Variants in SERPINF1 observed in about 807,000 individuals in gnomAD.
SERPINF1 encodes the protein serpin family F member 1, also known as pigment epithelium-derived factor.
SERPINF1 carries 29 observed loss-of-function variants against 37.3 expected under a neutral mutation model. That is an observed-to-expected ratio of 0.78 (90% CI 0.58 to 1.06). The LOEUF is 1.06. SERPINF1 is among the 50% of genes least tolerant of loss of function. The probability of loss-of-function intolerance (pLI) is 0.00; values close to 1 mark genes in which losing one functional copy is unlikely to be tolerated. For missense variants in SERPINF1, 553 were observed against 532.2 expected (o/e 1.04, Z -0.38); for synonymous variants, 281 against 227.9 (o/e 1.23, Z -2.10).
intron 5 of SERPINF1, among the ~76,000 whole-genome samples, chr17:1,773,246 A>T (rs1907850553): frequency 6.6e-6 from 1 of 151,892 alleles, no homozygotes. Context: ...GTCAGACAAG[A>T]TTTATTTATT....
In SERPINF1 at chr17:1,770,690, GC is replaced by G. The variant is rs201878614; in HGVS notation, c.284-338del. The G allele has an allele frequency of 9.4e-3, 3,203 of 341,166 alleles. 120 individuals carry two copies. Among genetic ancestry groups the G allele is most frequent in the Admixed American group, 0.081 (2,037 of 25,178 alleles). 21.1% of individuals were successfully genotyped at this position (341,166 alleles called of 1,614,324 possible). A position where few individuals can be genotyped will look rare whatever the true frequency, so the allele number is the denominator to read the frequency against. ...GCCTAGGCTGGTCTCAAACTCCCGG[GC>G]TCAAGCGATCCACCCGCCTTGGCCT... On this transcript the variant is annotated intron_variant, in intron 3 of 7. Coordinates refer to ENST00000254722, the MANE Select transcript of SERPINF1 (RefSeq NM_002615.7).
chr17:1,763,239 G>A (rs1019695836), intron 1 of SERPINF1, among the ~76,000 whole-genome samples: 1 of 152,226 alleles, frequency 6.6e-6, no homozygotes, highest in Non-Finnish European at 1.5e-5. Flanking sequence ...TGGGAAGAGG[G>A]GGAGGTGGCG....
rs749472546 is a variant in SERPINF1, at chr17:1,777,536, A to G, written c.*90A>G. The G allele has an allele frequency of 7.3e-6, 11 of 1,503,352 alleles. No homozygotes were observed. The highest frequency in any genetic ancestry group is 1.7e-5 in the Admixed American group (1 of 58,834). 93.1% of individuals were successfully genotyped at this position (1,503,352 alleles called of 1,614,324 possible). A position where few individuals can be genotyped will look rare whatever the true frequency, so the allele number is the denominator to read the frequency against. ...CGAAGGCTGCCCCTGTAAGGTTTCAATGCATACAATAAAAGAGCTTTATCC... is the reference window on the plus strand; with the variant it reads ...CGAAGGCTGCCCCTGTAAGGTTTCAGTGCATACAATAAAAGAGCTTTATCC... On this transcript the variant is annotated 3_prime_UTR_variant, in exon 8 of 8. Coordinates refer to ENST00000254722, the MANE Select transcript of SERPINF1 (RefSeq NM_002615.7).
At chr17:1,766,163 C>T (rs1236671560) in intron 1 of SERPINF1, 8 of 152,230 alleles carry the variant, frequency 5.3e-5, no homozygotes, top group Admixed American at 5.2e-4. Flanking sequence ...GGTCAGCTGC[C>T]TCCAGGACAA....
chr17:1,769,627 TAAAA>T (rs1165583284), intron 2 of SERPINF1: 1 of 510,646 alleles, frequency 2.0e-6, no homozygotes, highest in South Asian at 2.4e-5. Flanking sequence ...CTGTCTCAAA[TAAAA>T]AAAAAACAGC....
At chr17:1,769,688 C>A in intron 2 of SERPINF1, 164 bp from the exon 3 acceptor site, 1 of 733,624 alleles carries the variant, frequency 1.4e-6, no homozygotes, top group Non-Finnish European at 2.4e-6. Context: ...CATGCGTGAT[C>A]AGGGAGTAAA....
At chr17:1,765,156 T>TC (rs1476014100) in intron 1 of SERPINF1, among the ~76,000 whole-genome samples, 1 of 149,492 alleles carries the variant, frequency 6.7e-6, no homozygotes, top group African/African-American at 2.5e-5. Flanking sequence ...TTTTTTTTTT[T>TC]TTGAGATGGA....
In SERPINF1 at chr17:1,771,485, G is replaced by A. The variant is rs576234886; in HGVS notation, c.439+301G>A. Among the ~76,000 whole-genome samples the A allele has an allele frequency of 4.6e-5, 7 of 152,124 alleles. No homozygotes were observed. In the South Asian group the frequency reaches 1.0e-3, roughly 23 times the overall value. On this transcript the variant is annotated intron_variant, in intron 4 of 7. Coordinates refer to ENST00000254722, the MANE Select transcript of SERPINF1 (RefSeq NM_002615.7). Reference sequence around the variant, plus strand: ...GATCTCCTGACCTGGTGTTCTGCCCGCCTCGACCTCCCAAAGTGCTGGGAT... The same window carrying A: ...GATCTCCTGACCTGGTGTTCTGCCCACCTCGACCTCCCAAAGTGCTGGGAT...
chr17:1,769,657 G>A (rs550648332), intron 2 of SERPINF1, 195 bp from the exon 3 acceptor site: 11 of 638,944 alleles, frequency 1.7e-5, no homozygotes, highest in Admixed American at 1.5e-4. Context: ...TCTCTTCTGC[G>A]CTGTCTCTCC....
rs762195147 is a variant in SERPINF1 at position 1,777,142 on chromosome 17, T to TG, written c.998-41dup. The TG allele has an allele frequency of 8.7e-6, 14 of 1,613,504 alleles. No individual in the cohort carries two copies. In the African/African-American group the frequency reaches 1.5e-4, roughly 17 times the overall value. Reference sequence around the variant, plus strand: ...CAAAGGGATCCCTTGGTTGGGGTGTTGGGGAAGGCAGGGTTTTAACGGAAA... The same window carrying TG: ...CAAAGGGATCCCTTGGTTGGGGTGTTGGGGGAAGGCAGGGTTTTAACGGAAA... On this transcript the variant is annotated intron_variant, in intron 7 of 7. Transcript: ENST00000254722.
At chr17:1,769,721 A>G (rs1949540203) in intron 2 of SERPINF1, 131 bp from the exon 3 acceptor site, 2 of 993,786 alleles carry the variant, frequency 2.0e-6, no homozygotes, top group Non-Finnish European at 3.2e-6. Flanking sequence ...TTTAGGCCAA[A>G]CACAGAAAAA....
rs79765469 is a variant in SERPINF1 at position 1,770,471 on chromosome 17, T to C, written c.283+421T>C. ...AATAGTCTTTTTTTTTTTTTTTTTT[T>C]CTTTCTGAGACGGAGTCTCGCTTTG... On this transcript the variant is annotated intron_variant, in intron 3 of 7. Coordinates refer to ENST00000254722, the MANE Select transcript of SERPINF1 (RefSeq NM_002615.7). 11 of 193,144 alleles carry C rather than the reference T, an allele frequency of 5.7e-5. No individual in the cohort carries two copies. In the East Asian group the frequency reaches 8.8e-4, roughly 16 times the overall value. The allele number at this position is 193,144 out of a possible 1,614,324, so 12.0% of individuals were successfully genotyped here. A position where few individuals can be genotyped will look rare whatever the true frequency, so the allele number is the denominator to read the frequency against.
At position 1,770,007 on chromosome 17, in the gene SERPINF1, G is replaced by C. The variant is rs748661176; in HGVS notation, c.240G>C (p.Leu80=). 6.2e-7 allele frequency: 1 copy of C among 1,614,220 alleles called. No homozygotes were observed. The highest frequency in any genetic ancestry group is 1.1e-5 in the South Asian group (1 of 91,082). The change falls in exon 3 of 8, where the codon CTG becomes CTC. Residue 80 remains leucine (L), a synonymous_variant. Coordinates refer to ENST00000254722, the MANE Select transcript of SERPINF1 (RefSeq NM_002615.7). ...SSTSPTTNVL[L]SPLSVATALS... is the part of the protein sequence containing the mutation. The stretch of plus-strand genomic sequence containing the variant: ...CGAGCCCCACGACCAACGTGCTCCT[G>C]TCTCCTCTCAGTGTGGCCACGGCCC...
chr17:1,775,035 C>T (rs1467655916), intron 5 of SERPINF1, 23 bp from the exon 6 acceptor site: 2 of 1,613,978 alleles, frequency 1.2e-6, no homozygotes, highest in Non-Finnish European at 1.7e-6. Context: ...GGGGCTCAGA[C>T]TATGTCATAC....
At chr17:1,774,975 A>G (rs989032532) in intron 5 of SERPINF1, 83 bp from the exon 6 acceptor site, 19 of 1,591,174 alleles carry the variant, frequency 1.2e-5, no homozygotes, top group Non-Finnish European at 1.6e-5. Flanking sequence ...GCAATTTTCA[A>G]CAACGTGCTC....
chr17:1,776,823 A>ACG, intron 7 of SERPINF1, 81 bp downstream of exon 7: 1 of 1,310,948 alleles, frequency 7.6e-7, no homozygotes, highest in East Asian at 2.3e-5. Flanking sequence ...GCTAAGCAGA[A>ACG]CGCAAGGGCT....
Position 1,772,019 on chromosome 17 carries a change from C to G in SERPINF1, c.587C>G (p.Thr196Arg), listed in dbSNP as rs1804148. Residue 196 changes from threonine to arginine, a missense_variant, in exon 5 of 8, where the codon ACA becomes AGA. By Grantham distance (71) the Thr-to-Arg change is moderately conservative. Coordinates refer to ENST00000254722, the MANE Select transcript of SERPINF1 (RefSeq NM_002615.7). ...ATGAAAGGGAAGCTCGCCAGGTCCA[C>G]AAAGGAAATTCCCGATGAGATCAGC... is the stretch of plus-strand genomic sequence containing the variant. The part of the protein sequence containing the change: ...AQMKGKLARS[T>R]KEIPDEISIL... 1 of 1,613,916 alleles carries G rather than the reference C, an allele frequency of 6.2e-7. No individual in the cohort carries two copies. The highest frequency in any genetic ancestry group is 8.5e-7 in the Non-Finnish European group (1 of 1,180,012).
intron 1 of SERPINF1, among the ~76,000 whole-genome samples, chr17:1,763,407 G>A (rs940727866): frequency 1.3e-5 from 2 of 152,222 alleles, no homozygotes; most frequent in Non-Finnish European, 2.9e-5. Context: ...AGCAGGGAGG[G>A]TATCTACCTC....
intron 4 of SERPINF1, 119 bp from the exon 5 acceptor site, chr17:1,771,753 C>A: frequency 1.1e-6 from 1 of 936,684 alleles, no homozygotes; most frequent in Non-Finnish European, 1.7e-6. Context: ...CAGGAAGATG[C>A]TGGCTGGGAA....
Sources: allele counts gnomAD v4.1 joint callset (sites outside exome capture counted in the v4.1 genomes callset), GRCh38; gene constraint gnomAD v4.1.1; transcripts MANE v1.5; gene names NCBI Gene and HGNC (gene_info 2026-07-23, HGNC 2026-07-21).